The following MAGI2 variants were observed in gnomAD, a reference collection of about 807,000 sequenced individuals.
The protein encoded by MAGI2 is membrane-associated guanylate kinase, WW and PDZ domain-containing protein 2.
Under a neutral mutation model 133.3 loss-of-function variants are expected in MAGI2, and 35 were observed. The observed-to-expected ratio is 0.26, with a 90% CI of 0.20 to 0.35. The LOEUF (loss-of-function observed/expected upper bound fraction) is 0.35. Ranked by LOEUF, MAGI2 falls within the 10% of genes least tolerant of loss-of-function variation. The pLI is 1.00. For missense variants in MAGI2, 1,636 were observed against 1,863.4 expected, an observed-to-expected ratio of 0.88 and a Z score of 2.25; for synonymous variants, 729 against 710.6, an observed-to-expected ratio of 1.03 and a Z score of -0.41.
intron 10 of MAGI2, among the ~76,000 whole-genome samples, chr7:78,246,820 C>T (rs1050120538): frequency 6.6e-6 from 1 of 152,112 alleles, no homozygotes; most frequent in Non-Finnish European, 1.5e-5. Context: ...ATCTCCATAG[C>T]ACCCCTTCTT....
intron 1 of MAGI2, among the ~76,000 whole-genome samples, chr7:79,323,120 G>A (rs1435270410): frequency 1.3e-5 from 2 of 152,110 alleles, no homozygotes; most frequent in African/African-American, 4.8e-5. Context: ...TTGAGCCACT[G>A]TGCCTGGCCC....
At chr7:79,116,959 T>G (rs1247634228) in intron 1 of MAGI2, among the ~76,000 whole-genome samples, 1 of 152,074 alleles carries the variant, frequency 6.6e-6, no homozygotes, top group Admixed American at 6.6e-5. Flanking sequence ...TCTTTATAAA[T>G]TACCCAGCCT....
At chr7:78,106,381 A>G (rs1232733665) in intron 20 of MAGI2, among the ~76,000 whole-genome samples, 2 of 152,022 alleles carry the variant, frequency 1.3e-5, no homozygotes, top group South Asian at 4.1e-4. Context: ...TAACAGCAGG[A>G]TTTCTGGATC....
intron 2 of MAGI2, among the ~76,000 whole-genome samples, chr7:78,666,634 TTGA>T (rs1269546677): frequency 1.3e-5 from 2 of 152,198 alleles, no homozygotes; most frequent in Admixed American, 6.6e-5. Context: ...GAAGCTTGAC[TTGA>T]TGATACCTGG....
chr7:78,346,052 GA>G lies in MAGI2; in HGVS notation c.1104-10del. The G allele has an allele frequency of 6.2e-7, 1 of 1,613,608 alleles. No homozygotes were observed. The highest frequency in any genetic ancestry group is 1.1e-5 in the South Asian group (1 of 91,026). On this transcript the variant is annotated splice_polypyrimidine_tract_variant and intron_variant, in intron 7 of 21. Transcript: ENST00000354212. ...TTCTTCTATTTATGTGGCTAAAAAAGAAAATTTCAGATTAGGATAACCGTGG... is the reference window on the plus strand; with the variant it reads ...TTCTTCTATTTATGTGGCTAAAAAAGAAATTTCAGATTAGGATAACCGTGG...
intron 6 of MAGI2, among the ~76,000 whole-genome samples, chr7:78,440,003 T>G (rs1462608483): frequency 2.6e-5 from 4 of 151,972 alleles, no homozygotes; most frequent in Non-Finnish European, 4.4e-5. Flanking sequence ...CGTATTTTTA[T>G]TTTTTTACTA....
chr7:78,322,740 C>G (rs1438716383), intron 9 of MAGI2, among the ~76,000 whole-genome samples: 1 of 151,630 alleles, frequency 6.6e-6, no homozygotes, highest in African/African-American at 2.4e-5. Flanking sequence ...GCACATGTAC[C>G]CCGGAATTTA....
At chr7:78,687,989 A>G (rs1344725008) in intron 2 of MAGI2, among the ~76,000 whole-genome samples, 20 of 148,742 alleles carry the variant, frequency 1.3e-4, no homozygotes, top group South Asian at 2.1e-4. Context: ...AAAAAAAAAA[A>G]AAAAAAAAAA....
At chr7:78,503,636 CCCCTCCTCTTCTT>C (rs1794842419) in intron 4 of MAGI2, among the ~76,000 whole-genome samples, 1 of 121,676 alleles carries the variant, frequency 8.2e-6, no homozygotes, top group African/African-American at 3.1e-5. Flanking sequence ...TCCTCTCCCT[CCCCTCCTCTTCTT>C]CCCTCCTCCT....
At chr7:78,869,822 G>T (rs940535230) in intron 2 of MAGI2, among the ~76,000 whole-genome samples, 1 of 152,152 alleles carries the variant, frequency 6.6e-6, no homozygotes, top group African/African-American at 2.4e-5. Flanking sequence ...TGAGATTTGG[G>T]TGGGGGCACA....
chr7:78,753,879 C>T (rs534519904), intron 2 of MAGI2, among the ~76,000 whole-genome samples: 22 of 151,678 alleles, frequency 1.5e-4, no homozygotes, highest in Non-Finnish European at 3.2e-4. Context: ...CCAGAAAAGT[C>T]GGGTGATAGA....
intron 3 of MAGI2, among the ~76,000 whole-genome samples, chr7:78,544,321 C>T (rs898678577): frequency 6.6e-6 from 1 of 152,202 alleles, no homozygotes. Context: ...GTGGATAGTT[C>T]TAGACAGGAG....
intron 10 of MAGI2, among the ~76,000 whole-genome samples, chr7:78,219,550 C>A (rs1252112307): frequency 6.6e-6 from 1 of 152,146 alleles, no homozygotes; most frequent in African/African-American, 2.4e-5. Flanking sequence ...CCTTCTAAAT[C>A]AGCCTTGTCC....
intron 9 of MAGI2, among the ~76,000 whole-genome samples, chr7:78,263,984 T>TA (rs1373965531): frequency 6.6e-6 from 1 of 152,126 alleles, no homozygotes; most frequent in Non-Finnish European, 1.5e-5. Flanking sequence ...AGCTGCTCGT[T>TA]ACCCTTTAAG....
intron 2 of MAGI2, among the ~76,000 whole-genome samples, chr7:78,984,307 C>T (rs922429206): frequency 1.3e-5 from 2 of 151,920 alleles, no homozygotes; most frequent in African/African-American, 2.4e-5. Context: ...CCAGAGTTAT[C>T]CCATTAAAAC....
At chr7:78,763,837 A>G (rs1209401) in intron 2 of MAGI2, among the ~76,000 whole-genome samples, 46,369 of 152,134 alleles carry the variant, frequency 0.3, 7,303 homozygotes, top group South Asian at 0.47. Flanking sequence ...ACCTAGTTAT[A>G]GGTTACCTGC....
At chr7:78,878,634 A>G (rs1795610723) in intron 2 of MAGI2, among the ~76,000 whole-genome samples, 1 of 152,178 alleles carries the variant, frequency 6.6e-6, no homozygotes, top group African/African-American at 2.4e-5. Context: ...ATTCTATTCC[A>G]ATCAAAGTAC....
chr7:78,914,902 T>C (rs1238010614), intron 2 of MAGI2, among the ~76,000 whole-genome samples: 3 of 152,082 alleles, frequency 2.0e-5, no homozygotes, highest in Non-Finnish European at 4.4e-5. Context: ...AAGCAGAAGA[T>C]CATGTTAATG....
chr7:79,411,913 G>A (rs1846169726), intron 1 of MAGI2: 1 of 151,082 alleles, frequency 6.6e-6, no homozygotes, highest in East Asian at 2.0e-4. Flanking sequence ...AAATTCAATT[G>A]AAAAATTGAA....
Sources: allele counts gnomAD v4.1 joint callset (sites outside exome capture counted in the v4.1 genomes callset), GRCh38; gene constraint gnomAD v4.1.1; transcripts MANE v1.5; gene names NCBI Gene and HGNC (gene_info 2026-07-23, HGNC 2026-07-21).